Variants in IGSF3 observed in about 807,000 individuals in gnomAD.
IGSF3 encodes glu-Trp-Ile EWI motif-containing protein 3.
IGSF3 carries 23 observed loss-of-function variants against 114.4 expected under a neutral mutation model. That is an observed-to-expected ratio of 0.20 (90% CI 0.14 to 0.28). IGSF3 has a LOEUF of 0.28. IGSF3 is among the 10% of genes least tolerant of loss of function. IGSF3 has a pLI of 1.00. For synonymous variants in IGSF3, 571 were observed against 645.2 expected (o/e 0.88, Z 1.74); for missense variants, 1,172 against 1,591.5 (o/e 0.74, Z 4.48).
At position 116,579,706 on chromosome 1, in the gene IGSF3, T is replaced by A. The variant is rs774418936; in HGVS notation, c.3020A>T (p.Glu1007Val). 8 of 1,614,050 alleles carry A rather than the reference T, an allele frequency of 5.0e-6. No individual in the cohort carries two copies. In the South Asian group the frequency reaches 8.8e-5, roughly 18 times the overall value. ...CTCCTCCCTTTCCTCTTCCTGTTCT[T>A]CCAGGCCAGGGCTGCTCCTTTTCCC... ...AGGKRSSPGLEEQEEEREEEE... is the reference protein window; with the variant it reads ...AGGKRSSPGLVEQEEEREEEE... Residue 1007 changes from glutamate to valine, a missense_variant, in exon 10 of 11, where the codon GAA becomes GTA. This residue lies in a region of IGSF3 where 423 missense variants were observed against 509.8 expected (regional missense o/e 0.83). Coordinates refer to ENST00000369486, the MANE Select transcript of IGSF3 (RefSeq NM_001007237.3). This position sits in a 1 kb window ranked among gnomAD's most constrained non-coding sequence, Gnocchi z 6.4.
rs1397220291 is a variant in IGSF3, at chr1:116,649,092, C to T, written c.43+17192G>A. Among the ~76,000 whole-genome samples, 1 of 152,226 alleles carries T rather than the reference C, an allele frequency of 6.6e-6. No individual in the cohort carries two copies. Among genetic ancestry groups the T allele is most frequent in the Non-Finnish European group, 1.5e-5 (1 of 68,038 alleles). The stretch of plus-strand genomic sequence containing the variant: ...TAGCTGTCAGCACTGCCACCCATTA[C>T]AGCTTCAGATCTCGCTTCTACCAGG... On this transcript the variant is annotated intron_variant, in intron 2 of 10. Coordinates refer to ENST00000369486, the MANE Select transcript of IGSF3 (RefSeq NM_001007237.3). This position sits in a 1 kb window ranked among gnomAD's most constrained non-coding sequence, Gnocchi z 4.5.
intron 2 of IGSF3, among the ~76,000 whole-genome samples, chr1:116,630,240 C>T (rs189964581): frequency 3.3e-5 from 5 of 152,336 alleles, no homozygotes; most frequent in African/African-American, 1.2e-4. Context: ...GCTCTCCAGG[C>T]ACGCCCTCCT....
chr1:116,641,495 C>CAAAAAAAAAAAAA (rs57930787), intron 2 of IGSF3, among the ~76,000 whole-genome samples: 1 of 40,692 alleles, frequency 2.5e-5, no homozygotes, highest in Non-Finnish European at 4.8e-5. Context: ...GACTCTGTCT[C>CAAAAAAAAAAAAA]AAAAAAAAAA....
chr1:116,613,856 C>G lies in IGSF3; in HGVS notation c.741G>C (p.Glu247Asp), dbSNP rs758344931. ...CCGGATCCTGGATCCACTCGGCGGC[C>G]TCGCAGTAGAATTCGCCCTGGTCAG... ...QPSDQGEFYCEAAEWIQDPDG... is the reference protein window; with the variant it reads ...QPSDQGEFYCDAAEWIQDPDG... The change falls in exon 4 of 11, where the codon GAG becomes GAC. Residue 247 changes from glutamate to aspartate, a missense_variant. Around this residue, in one of 3 missense-constraint regions of IGSF3, gnomAD observed 736 missense variants for 1,042.0 expected, o/e 0.71. Transcript: ENST00000369486. 2.5e-6 allele frequency: 4 copies of G among 1,613,880 alleles called. No homozygotes were observed. The highest frequency in any genetic ancestry group is 4.5e-5 in the East Asian group (2 of 44,884).
At position 116,642,362 on chromosome 1, in the gene IGSF3, T is replaced by A. The variant is rs1201409274; in HGVS notation, c.43+23922A>T. ...ATGCTTTGTAGTGAAACTGGAACTA[T>A]GATGAATAACATTAGAATTCTGGAT... On this transcript the variant is annotated intron_variant, in intron 2 of 10. Coordinates refer to ENST00000369486, the MANE Select transcript of IGSF3 (RefSeq NM_001007237.3). The surrounding 1 kb of genome is among the most constrained non-coding windows in gnomAD (Gnocchi z 5.4). Among the ~76,000 whole-genome samples, 1 of 152,154 alleles carries A rather than the reference T, an allele frequency of 6.6e-6. No homozygotes were observed. The highest frequency in any genetic ancestry group is 1.5e-5 in the Non-Finnish European group (1 of 68,040).
chr1:116,595,081 T>A lies in IGSF3; in HGVS notation c.2029+4860A>T, dbSNP rs1349110346. Among the ~76,000 whole-genome samples, 2 of 151,996 alleles carry A rather than the reference T, an allele frequency of 1.3e-5. No homozygotes were observed. Among genetic ancestry groups the A allele is most frequent in the African/African-American group, 4.8e-5 (2 of 41,362 alleles). On this transcript the variant is annotated intron_variant, in intron 7 of 10. Coordinates refer to ENST00000369486, the MANE Select transcript of IGSF3 (RefSeq NM_001007237.3). This position sits in a 1 kb window ranked among gnomAD's most constrained non-coding sequence, Gnocchi z 4.2. ...AACCTGGCACTTAGTAGGTGCTCAA[T>A]GCATGCAGAGAGACAGGGAGGGAGG...
chr1:116,631,317 CAA>C (rs939848949), intron 2 of IGSF3, among the ~76,000 whole-genome samples: 1,265 of 45,972 alleles, frequency 0.028, 13 homozygotes, highest in African/African-American at 0.077. Flanking sequence ...GACGCTGTCT[CAA>C]AAAAAAAAAA....
Position 116,584,977 on chromosome 1 carries a change from A to G in IGSF3, c.2516T>C (p.Val839Ala). 1 of 1,603,248 alleles carries G rather than the reference A, an allele frequency of 6.2e-7. No homozygotes were observed. Among genetic ancestry groups the G allele is most frequent in the Non-Finnish European group, 8.5e-7 (1 of 1,171,904 alleles). The change falls in exon 9 of 11, where the codon GTG (valine) becomes GCG (alanine). Residue 839 changes from valine (V) to alanine (A), a missense_variant. Val to Ala is a moderately conservative substitution (Grantham distance 64). Around this residue, in one of 3 missense-constraint regions of IGSF3, gnomAD observed 423 missense variants for 509.8 expected, o/e 0.83. Coordinates refer to ENST00000369486, the MANE Select transcript of IGSF3 (RefSeq NM_001007237.3). This position sits in a 1 kb window ranked among gnomAD's most constrained non-coding sequence, Gnocchi z 5.8. ...GGTTATGCTGGTGCGGTTGAGAACC[A>G]CACACTCCAGCTGTACCTGCCGGGT... ...LETRQVQLEC[V>A]VLNRTSITSQ...
In IGSF3 at chr1:116,600,806, G is replaced by C. The variant is rs971868874; in HGVS notation, c.1625-461C>G. Among the ~76,000 whole-genome samples the C allele has an allele frequency of 2.0e-5, 3 of 152,106 alleles. No individual in the cohort carries two copies. The highest frequency in any genetic ancestry group is 7.2e-5 in the African/African-American group (3 of 41,410). On this transcript the variant is annotated intron_variant, in intron 6 of 10. Transcript: ENST00000369486. This position sits in a 1 kb window ranked among gnomAD's most constrained non-coding sequence, Gnocchi z 5.5. ...CCTGGTCCCTTAGCGCACTGGTGCC[G>C]AGAAGGGAAGCAGATGGAGTCGGCC...
rs1046186042 is a variant in IGSF3, at chr1:116,582,582, T to C, written c.2848+2063A>G. Among the ~76,000 whole-genome samples the C allele has an allele frequency of 2.6e-5, 4 of 152,244 alleles. No individual in the cohort carries two copies. Among genetic ancestry groups the C allele is most frequent in the African/African-American group, 9.6e-5 (4 of 41,456 alleles). ...TATTATTTCAAGTCTTCCATGTGTT[T>C]AACGTATCCCTCCGAAAAAAATCTT... is the stretch of plus-strand genomic sequence containing the variant. On this transcript the variant is annotated intron_variant, in intron 9 of 10. Coordinates refer to ENST00000369486, the MANE Select transcript of IGSF3 (RefSeq NM_001007237.3). The surrounding 1 kb of genome is among the most constrained non-coding windows in gnomAD (Gnocchi z 4.7).
chr1:116,603,324 A>G lies in IGSF3; in HGVS notation c.1624+300T>C, dbSNP rs1238945813. Among the ~76,000 whole-genome samples, 9 of 152,208 alleles carry G rather than the reference A, an allele frequency of 5.9e-5. No individual in the cohort carries two copies. The East Asian group carries it at 1.7e-3, about 29-fold the overall frequency. Reference sequence around the variant, plus strand: ...TGGGTGGCTTCACTAACCTGGATAGAGTTCTGATAACATCACTCTCTCCCA... The same window carrying G: ...TGGGTGGCTTCACTAACCTGGATAGGGTTCTGATAACATCACTCTCTCCCA... On this transcript the variant is annotated intron_variant, in intron 6 of 10. Transcript: ENST00000369486. This position sits in a 1 kb window ranked among gnomAD's most constrained non-coding sequence, Gnocchi z 7.1.
chr1:116,609,663 C>T (rs201550540), intron 4 of IGSF3, among the ~76,000 whole-genome samples: 3 of 152,060 alleles, frequency 2.0e-5, no homozygotes, highest in East Asian at 1.9e-4. Context: ...ATGGCAGAGA[C>T]GTTTGAATTC....
Position 116,628,057 on chromosome 1 carries a change from G to A in IGSF3, c.44-11600C>T, listed in dbSNP as rs1444253584. Among the ~76,000 whole-genome samples, 1 of 152,184 alleles carries A rather than the reference G, an allele frequency of 6.6e-6. No individual in the cohort carries two copies. The highest frequency in any genetic ancestry group is 6.5e-5 in the Admixed American group (1 of 15,286). ...TGTGCCATCCTCTTGGATGATAGCT[G>A]GATAATCGCAATAAGCAGAGCCCCA... On this transcript the variant is annotated intron_variant, in intron 2 of 10. Coordinates refer to ENST00000369486, the MANE Select transcript of IGSF3 (RefSeq NM_001007237.3). The surrounding 1 kb of genome is among the most constrained non-coding windows in gnomAD (Gnocchi z 4.2).
In IGSF3 at chr1:116,589,574, T is replaced by C. The variant is rs533740585; in HGVS notation, c.2030-470A>G. On this transcript the variant is annotated intron_variant, in intron 7 of 10. Coordinates refer to ENST00000369486, the MANE Select transcript of IGSF3 (RefSeq NM_001007237.3). The surrounding 1 kb of genome is among the most constrained non-coding windows in gnomAD (Gnocchi z 5.7). ...CCACAGGCGCATGCCCCTGGTGCAG[T>C]TTCCCTGAGCCCTGGCCTTTGCCCT... Among the ~76,000 whole-genome samples, 1 of 152,130 alleles carries C rather than the reference T, an allele frequency of 6.6e-6. No homozygotes were observed. The highest frequency in any genetic ancestry group is 1.9e-4 in the East Asian group (1 of 5,148).
At position 116,579,635 on chromosome 1, in the gene IGSF3, T is replaced by C. The variant is rs557420352; in HGVS notation, c.3091A>G (p.Thr1031Ala). The change falls in exon 10 of 11, where the codon ACG becomes GCG. Residue 1031 changes from threonine (T) to alanine (A), a missense_variant. Thr to Ala is a moderately conservative substitution (Grantham distance 58). Transcript: ENST00000369486. This position sits in a 1 kb window ranked among gnomAD's most constrained non-coding sequence, Gnocchi z 6.4. ...DDDDDDPTERTALLSVGPDAV... is the reference protein window; with the variant it reads ...DDDDDDPTERAALLSVGPDAV... The stretch of plus-strand genomic sequence containing the variant: ...TCTGGGCCCACGCTCAGCAGGGCCG[T>C]CCGCTCTGTTGGGTCGTCGTCGTCG... The C allele has an allele frequency of 1.2e-6, 2 of 1,613,492 alleles. No individual in the cohort carries two copies. The highest frequency in any genetic ancestry group is 2.2e-5 in the South Asian group (2 of 91,044).
chr1:116,600,142 A>C lies in IGSF3; in HGVS notation c.1828T>G (p.Ser610Ala). The C allele has an allele frequency of 6.2e-7, 1 of 1,613,864 alleles. No homozygotes were observed. The highest frequency in any genetic ancestry group is 8.5e-7 in the Non-Finnish European group (1 of 1,179,938). ...GCAGTTCGGGTTCGGAAGCTGGAGG[A>C]CCTGTCCCCCCACTGGACCCCTCCG... ...RDGGVQWGDR[S>A]SSFRTRTAIE... Residue 610 changes from serine to alanine, a missense_variant, in exon 7 of 11, where the codon TCC becomes GCC. Around this residue, in one of 3 missense-constraint regions of IGSF3, gnomAD observed 736 missense variants for 1,042.0 expected, o/e 0.71. Transcript: ENST00000369486. The surrounding 1 kb of genome is among the most constrained non-coding windows in gnomAD (Gnocchi z 5.5).
chr1:116,622,903 C>G (rs1661465010), intron 2 of IGSF3, among the ~76,000 whole-genome samples: 1 of 152,230 alleles, frequency 6.6e-6, no homozygotes, highest in Non-Finnish European at 1.5e-5. Flanking sequence ...TCTTCTTGCC[C>G]ACCTGGTCCT....
rs991857371 is a variant in IGSF3 at position 116,624,499 on chromosome 1, A to G, written c.44-8042T>C. Among the ~76,000 whole-genome samples, 4 of 152,262 alleles carry G rather than the reference A, an allele frequency of 2.6e-5. No individual in the cohort carries two copies. Among genetic ancestry groups the G allele is most frequent in the African/African-American group, 9.6e-5 (4 of 41,468 alleles). Reference sequence around the variant, plus strand: ...CACAATAAGTGCTCAATAAATGTTTAGCCACTAGTTGCAGTAGTAGCAATA... The same window carrying G: ...CACAATAAGTGCTCAATAAATGTTTGGCCACTAGTTGCAGTAGTAGCAATA... On this transcript the variant is annotated intron_variant, in intron 2 of 10. Coordinates refer to ENST00000369486, the MANE Select transcript of IGSF3 (RefSeq NM_001007237.3). This position sits in a 1 kb window ranked among gnomAD's most constrained non-coding sequence, Gnocchi z 4.9.
Position 116,598,372 on chromosome 1 carries a change from CCTT to C in IGSF3, c.2029+1566_2029+1568del, listed in dbSNP as rs1660428302. On this transcript the variant is annotated intron_variant, in intron 7 of 10. Coordinates refer to ENST00000369486, the MANE Select transcript of IGSF3 (RefSeq NM_001007237.3). This position sits in a 1 kb window ranked among gnomAD's most constrained non-coding sequence, Gnocchi z 4.3. Reference sequence around the variant, plus strand: ...CACATAAAATGGGGTCTCTGCTTAACCTTCCATTAACCTGAAAATCCATTTAAG... The same window carrying C: ...CACATAAAATGGGGTCTCTGCTTAACCCATTAACCTGAAAATCCATTTAAG... Among the ~76,000 whole-genome samples the C allele has an allele frequency of 1.3e-5, 2 of 152,228 alleles. No individual in the cohort carries two copies. The highest frequency in any genetic ancestry group is 4.8e-5 in the African/African-American group (2 of 41,466).
Sources: allele counts gnomAD v4.1 joint callset (sites outside exome capture counted in the v4.1 genomes callset), GRCh38; gene constraint gnomAD v4.1.1; regional missense constraint gnomAD v4.1.1; non-coding constraint Gnocchi (gnomAD v3.1); transcripts MANE v1.5; gene names NCBI Gene and HGNC (gene_info 2026-07-23, HGNC 2026-07-21).